CUBN: variants seen among roughly 807,000 people sequenced by gnomAD.
CUBN encodes the protein 460 kDa receptor.
A neutral mutation model predicts 405.3 loss-of-function variants in CUBN; 282 were observed. The ratio of observed to expected loss-of-function variants is 0.70; its 90% CI spans 0.63 to 0.77. The LOEUF is 0.77. Among genes scored for constraint, CUBN ranks in the 30% least tolerant of loss-of-function variants. CUBN has a pLI of 0.00. For missense variants in CUBN, 4,514 were observed against 4,475.2 expected (o/e 1.01, Z -0.25); for synonymous variants, 1,684 against 1,617.0 (o/e 1.04, Z -0.99).
chr10:16,834,930 C>T, intron 64 of CUBN, 84 bp downstream of exon 64: 1 of 1,225,438 alleles, frequency 8.2e-7, no homozygotes, highest in African/African-American at 1.5e-5. Context: ...ATAATATTAG[C>T]AGCACTAGAT....
chr10:16,916,391 G>A (rs979805054), intron 45 of CUBN, among the ~76,000 whole-genome samples: 1 of 152,178 alleles, frequency 6.6e-6, no homozygotes, highest in Non-Finnish European at 1.5e-5. Flanking sequence ...GATCTGGCCT[G>A]CCTAGTACCC....
At chr10:16,934,672 T>C (rs1446366560) in intron 39 of CUBN, among the ~76,000 whole-genome samples, 2 of 152,230 alleles carry the variant, frequency 1.3e-5, no homozygotes, top group Non-Finnish European at 2.9e-5. Flanking sequence ...ATTCTGCAAG[T>C]GGCTGAGAGA....
At chr10:16,883,343 A>C (rs1439498621) in intron 56 of CUBN, among the ~76,000 whole-genome samples, 1 of 152,230 alleles carries the variant, frequency 6.6e-6, no homozygotes, top group Non-Finnish European at 1.5e-5. Flanking sequence ...GATTTCACAG[A>C]AACTACACCA....
chr10:17,058,616 A>G (rs1444574497), intron 22 of CUBN, among the ~76,000 whole-genome samples: 2 of 152,134 alleles, frequency 1.3e-5, no homozygotes, highest in African/African-American at 4.8e-5. Flanking sequence ...AAAAATTACT[A>G]TTCTCTGAAC....
At chr10:16,892,910 T>C (rs1201421789) in intron 54 of CUBN, among the ~76,000 whole-genome samples, 4 of 152,200 alleles carry the variant, frequency 2.6e-5, no homozygotes, top group Non-Finnish European at 5.9e-5. Context: ...TGCTTATACT[T>C]TTCTGAAGTC....
At chr10:16,981,774 C>A (rs145398199) in intron 31 of CUBN, among the ~76,000 whole-genome samples, 2 of 152,160 alleles carry the variant, frequency 1.3e-5, no homozygotes, top group Non-Finnish European at 2.9e-5. Flanking sequence ...TAAGCCACCC[C>A]CTTCGCAAGT....
intron 59 of CUBN, among the ~76,000 whole-genome samples, chr10:16,864,947 G>GCCTAC: frequency 2.2e-5 from 2 of 89,016 alleles, no homozygotes; most frequent in Middle Eastern, 8.8e-3. Flanking sequence ...ACCATGCCCA[G>GCCTAC]CTTTTTTTTT....
chr10:16,967,988 G>GC (rs1843450127), intron 31 of CUBN, among the ~76,000 whole-genome samples: 1 of 109,578 alleles, frequency 9.1e-6, no homozygotes, highest in Non-Finnish European at 2.0e-5. Context: ...AGAGAGAGAG[G>GC]AAAAGAGAGA....
rs1250187179 is a variant in CUBN, at chr10:16,828,945, C to G, written c.10624G>C (p.Val3542Leu). The G allele has an allele frequency of 6.2e-7, 1 of 1,614,078 alleles. No homozygotes were observed. Residue 3542 changes from valine (V) to leucine (L), a missense_variant, in exon 66 of 67, where the codon GTT (valine) becomes CTT (leucine). Around this residue, in one of 5 missense-constraint regions of CUBN, gnomAD observed 1,186 missense variants for 1,186.9 expected, o/e 1.00. Coordinates refer to ENST00000377833, the MANE Select transcript of CUBN (RefSeq NM_001081.4). ...GTGACAAGCCTTCCAGCAGGAGCAA[C>G]AAGGACCCACTCGCAGTACGTGTTG... ...PNNTYCEWVL[V>L]APAGRLVTIN...
chr10:16,876,171 T>C (rs958093906), intron 57 of CUBN, among the ~76,000 whole-genome samples: 2 of 152,196 alleles, frequency 1.3e-5, no homozygotes, highest in South Asian at 2.1e-4. Context: ...AAAGATGAAA[T>C]AGACTCAAGA....
At chr10:17,128,949 T>C (rs1259057558) in intron 2 of CUBN, among the ~76,000 whole-genome samples, 172 bp downstream of exon 2, 1 of 152,236 alleles carries the variant, frequency 6.6e-6, no homozygotes, top group East Asian at 1.9e-4. Flanking sequence ...AGGTGATGGA[T>C]ATCCCAATTA....
chr10:16,862,010 G>A (rs956361970), intron 59 of CUBN, among the ~76,000 whole-genome samples: 19 of 152,208 alleles, frequency 1.2e-4, no homozygotes, highest in East Asian at 3.9e-4. Context: ...TTAGCCAGGC[G>A]TGGTTGCATG....
chr10:17,108,898 C>G (rs1202192807), intron 10 of CUBN, among the ~76,000 whole-genome samples: 1 of 151,786 alleles, frequency 6.6e-6, no homozygotes, highest in African/African-American at 2.4e-5. Context: ...AGAAAGAGAG[C>G]AAAGGGGATG....
intron 62 of CUBN, among the ~76,000 whole-genome samples, chr10:16,839,399 G>A (rs1431039798): frequency 6.6e-6 from 1 of 151,968 alleles, no homozygotes; most frequent in Non-Finnish European, 1.5e-5. Flanking sequence ...TCAAAAAGTG[G>A]GCGAAGGATA....
intron 28 of CUBN, among the ~76,000 whole-genome samples, chr10:17,012,876 T>C (rs1834222436): frequency 6.6e-6 from 1 of 152,234 alleles, no homozygotes; most frequent in South Asian, 2.1e-4. Flanking sequence ...GAACCATCTA[T>C]ATCCTGTCCT....
intron 56 of CUBN, among the ~76,000 whole-genome samples, chr10:16,886,866 G>A (rs1245961271): frequency 2.0e-5 from 3 of 152,220 alleles, no homozygotes; most frequent in South Asian, 2.1e-4. Flanking sequence ...TAGGCTCACC[G>A]CAACTTCCGC....
intron 39 of CUBN, among the ~76,000 whole-genome samples, chr10:16,935,184 A>G (rs955303228): frequency 6.6e-6 from 1 of 151,910 alleles, no homozygotes; most frequent in Non-Finnish European, 1.5e-5. Flanking sequence ...TTATGTATTT[A>G]TTTTTAGGAC....
intron 28 of CUBN, among the ~76,000 whole-genome samples, chr10:17,017,215 A>G (rs914434911): frequency 6.6e-6 from 1 of 151,972 alleles, no homozygotes; most frequent in Non-Finnish European, 1.5e-5. Context: ...CCTGCTGATC[A>G]GAATAGTTGC....
intron 66 of CUBN, among the ~76,000 whole-genome samples, chr10:16,825,339 G>C (rs1838743205): frequency 6.6e-6 from 1 of 152,092 alleles, no homozygotes; most frequent in South Asian, 2.1e-4. Flanking sequence ...GGTAATGAAA[G>C]TGTCCCAAAA....
Sources: gnomAD v4.1 joint callset for allele counts (sites outside exome capture counted in the v4.1 genomes callset) on GRCh38, gnomAD v4.1.1 for gene constraint, gnomAD v4.1.1 regional missense constraint, MANE v1.5 for transcripts, NCBI Gene and HGNC (gene_info 2026-07-23, HGNC 2026-07-21) for gene names.